BRINP3: variants seen among roughly 807,000 people sequenced by gnomAD.
BRINP3 encodes BMP/retinoic acid-inducible neural-specific protein 3.
Under a neutral mutation model 71.0 loss-of-function variants are expected in BRINP3, and 19 were observed. That is an observed-to-expected ratio of 0.27 (90% CI 0.19 to 0.39). The LOEUF (loss-of-function observed/expected upper bound fraction) is 0.39. Ranked by LOEUF, BRINP3 falls within the 10% of genes least tolerant of loss-of-function variation. The pLI is 1.00. For missense variants in BRINP3, 959 were observed against 940.8 expected (o/e 1.02, Z -0.25); for synonymous variants, 380 against 337.7 (o/e 1.13, Z -1.37).
At chr1:190,163,923 C>G (rs1234508569) in intron 6 of BRINP3, among the ~76,000 whole-genome samples, 2 of 152,012 alleles carry the variant, frequency 1.3e-5, no homozygotes, top group Admixed American at 1.3e-4. Context: ...TTTATTGGAG[C>G]AATTTTATAT....
chr1:190,101,688 A>G (rs901744424), intron 7 of BRINP3, among the ~76,000 whole-genome samples: 1 of 152,166 alleles, frequency 6.6e-6, no homozygotes, highest in Non-Finnish European at 1.5e-5. Context: ...GATGAAAATT[A>G]TATTTTCTTC....
At chr1:190,184,436 G>A (rs778300424) in intron 6 of BRINP3, among the ~76,000 whole-genome samples, 11 of 151,930 alleles carry the variant, frequency 7.2e-5, no homozygotes, top group Admixed American at 7.2e-4. Context: ...GCACTCATAT[G>A]TTCATCACAA....
intron 6 of BRINP3, among the ~76,000 whole-genome samples, chr1:190,169,921 T>C (rs1651868576): frequency 6.6e-6 from 1 of 152,154 alleles, no homozygotes. Flanking sequence ...TGGGTCCCAT[T>C]ATAATCTACA....
At chr1:190,121,130 A>C (rs1653615081) in intron 7 of BRINP3, among the ~76,000 whole-genome samples, 1 of 152,178 alleles carries the variant, frequency 6.6e-6, no homozygotes, top group Non-Finnish European at 1.5e-5. Flanking sequence ...TGAAAAACAG[A>C]AAAGTTTTAA....
Position 190,355,089 on chromosome 1 carries a change from T to C in BRINP3, c.237-73339A>G, listed in dbSNP as rs978572764. Among the ~76,000 whole-genome samples the C allele has an allele frequency of 3.9e-5, 6 of 151,904 alleles. No individual in the cohort carries two copies. The East Asian group carries it at 1.2e-3, about 29-fold the overall frequency. ...GAATCCCTTAAATCATATATGAGTA[T>C]CTAATATTTTATACTTTCCAGCCAT... On this transcript the variant is annotated intron_variant, in intron 2 of 7. Transcript: ENST00000367462.
At position 190,184,581 on chromosome 1, in the gene BRINP3, C is replaced by A. The variant is rs1034648574; in HGVS notation, c.962-23691G>T. ...AATAGCAAAATCATTTCCTTTACAG[C>A]AATGTGGATGCAGCTGGAGGCCAAT... is the stretch of plus-strand genomic sequence containing the variant. On this transcript the variant is annotated intron_variant, in intron 6 of 7. Coordinates refer to ENST00000367462, the MANE Select transcript of BRINP3 (RefSeq NM_199051.3). Among the ~76,000 whole-genome samples, 4 of 152,050 alleles carry A rather than the reference C, an allele frequency of 2.6e-5. No individual in the cohort carries two copies. In the East Asian group the frequency reaches 7.7e-4, roughly 29 times the overall value.
intron 2 of BRINP3, among the ~76,000 whole-genome samples, chr1:190,334,622 T>C (rs1667171563): frequency 6.6e-6 from 1 of 151,846 alleles, no homozygotes; most frequent in Non-Finnish European, 1.5e-5. Context: ...TTTTGCATTC[T>C]ACCTAAGAGC....
At chr1:190,232,732 T>C (rs1356946314) in intron 5 of BRINP3, among the ~76,000 whole-genome samples, 1 of 152,102 alleles carries the variant, frequency 6.6e-6, no homozygotes, top group Non-Finnish European at 1.5e-5. Context: ...AAACTGAACA[T>C]AGTAATTCAG....
chr1:190,135,806 A>G (rs1026710607), intron 7 of BRINP3, among the ~76,000 whole-genome samples: 8 of 152,062 alleles, frequency 5.3e-5, no homozygotes, highest in African/African-American at 1.7e-4. Flanking sequence ...GTTGCCTACA[A>G]CATACGTAAA....
chr1:190,262,894 CAT>C (rs1042364593), intron 4 of BRINP3, among the ~76,000 whole-genome samples: 2 of 151,800 alleles, frequency 1.3e-5, no homozygotes, highest in African/African-American at 4.8e-5. Flanking sequence ...TATATATATA[CAT>C]ATGTGTGTGT....
intron 2 of BRINP3, among the ~76,000 whole-genome samples, chr1:190,335,665 A>G (rs1434994382): frequency 3.3e-5 from 5 of 151,828 alleles, no homozygotes; most frequent in East Asian, 1.9e-4. Flanking sequence ...AAATTCGAAT[A>G]TTTTTCAAAA....
intron 2 of BRINP3, among the ~76,000 whole-genome samples, chr1:190,416,019 T>G (rs1672983756): frequency 6.6e-6 from 1 of 152,206 alleles, no homozygotes; most frequent in Admixed American, 6.5e-5. Flanking sequence ...TCAGCCACAT[T>G]CAATATGTTC....
At chr1:190,471,217 A>G (rs759485671) in intron 1 of BRINP3, among the ~76,000 whole-genome samples, 1 of 151,332 alleles carries the variant, frequency 6.6e-6, no homozygotes, top group Non-Finnish European at 1.5e-5. Flanking sequence ...TAAAAAATTA[A>G]GAACTTGGCC....
intron 2 of BRINP3, among the ~76,000 whole-genome samples, chr1:190,295,704 G>T (rs1248699047): frequency 2.0e-5 from 3 of 151,994 alleles, no homozygotes; most frequent in African/African-American, 7.3e-5. Flanking sequence ...GCCCTGCCCT[G>T]TGTTGTATTC....
intron 4 of BRINP3, among the ~76,000 whole-genome samples, chr1:190,261,624 G>A (rs1034726397): frequency 6.6e-6 from 1 of 152,096 alleles, no homozygotes; most frequent in African/African-American, 2.4e-5. Flanking sequence ...CCTGATAACA[G>A]TTCTGTTTAC....
chr1:190,377,582 T>TTA (rs987056274), intron 2 of BRINP3, among the ~76,000 whole-genome samples: 10 of 148,338 alleles, frequency 6.7e-5, no homozygotes, highest in Admixed American at 6.1e-4. Context: ...CTGTTGCTAT[T>TTA]TATATATATA....
intron 7 of BRINP3, among the ~76,000 whole-genome samples, chr1:190,110,811 C>G (rs987157062): frequency 3.3e-5 from 5 of 152,058 alleles, no homozygotes; most frequent in African/African-American, 9.7e-5. Context: ...AGGGTTAAAA[C>G]CAAGTAGCCT....
intron 6 of BRINP3, among the ~76,000 whole-genome samples, chr1:190,192,802 A>T (rs548767597): frequency 5.3e-5 from 8 of 152,220 alleles, no homozygotes; most frequent in African/African-American, 1.9e-4. Context: ...GCTCAATAAA[A>T]CTGGTTGGGC....
rs912960489 is a variant in BRINP3, at chr1:190,141,783, C to T, written c.1184+18885G>A. Among the ~76,000 whole-genome samples the T allele has an allele frequency of 3.9e-5, 6 of 151,956 alleles. No individual in the cohort carries two copies. In the South Asian group the frequency reaches 1.2e-3, roughly 32 times the overall value. ...CCATGTTGGTCAGGCTGGTCTCAAA[C>T]TCCTGACCTTGTGATCAGCCTGCCA... On this transcript the variant is annotated intron_variant, in intron 7 of 7. Transcript: ENST00000367462.
Sources: gnomAD v4.1 joint callset for allele counts (sites outside exome capture counted in the v4.1 genomes callset) on GRCh38, gnomAD v4.1.1 for gene constraint, MANE v1.5 for transcripts, NCBI Gene and HGNC (gene_info 2026-07-23, HGNC 2026-07-21) for gene names.